Variants in PDGFA observed in about 807,000 individuals in gnomAD.
The protein encoded by PDGFA is platelet-derived growth factor subunit A.
A neutral mutation model predicts 25.6 loss-of-function variants in PDGFA; 9 were observed. The observed-to-expected ratio is 0.35, with a 90% CI of 0.21 to 0.61. PDGFA has a LOEUF of 0.61. Ranked by LOEUF, PDGFA falls within the 20% of genes least tolerant of loss-of-function variation. The pLI, the probability that PDGFA is intolerant of heterozygous loss-of-function variation, is 0.75. For missense variants in PDGFA, 242 were observed against 272.8 expected (o/e 0.89, Z 0.79); for synonymous variants, 133 against 111.8 (o/e 1.19, Z -1.20).
intron 4 of PDGFA, among the ~76,000 whole-genome samples, chr7:507,240 G>A (rs1782601269): frequency 1.3e-5 from 2 of 152,366 alleles, no homozygotes; most frequent in Admixed American, 6.5e-5. Flanking sequence ...CCAGAAGCGG[G>A]AACATGAAGG....
chr7:497,939 T>TAAAAAAAAAAAAAAAAAACAAA, exon 6 of PDGFA: 1 of 20,140 alleles, frequency 5.0e-5, no homozygotes, highest in South Asian at 4.2e-3. Flanking sequence ...CTTTATGGTG[T>TAAAAAAAAAAAAAAAAAACAAA]AAAAAAAAAA....
chr7:514,743 G>C (rs1187856665), intron 2 of PDGFA, among the ~76,000 whole-genome samples: 3 of 152,190 alleles, frequency 2.0e-5, no homozygotes, highest in African/African-American at 7.2e-5. Context: ...GACCACTTTG[G>C]GGAACAAAGC....
chr7:517,379 AG>A lies in PDGFA; in HGVS notation c.160+14del, dbSNP rs1289511740. ...CGCGCCCTCCCCGCGCGCGGAGGGAAGGGGCGCGATTTACCTACGGAGTCTA... is the reference window on the plus strand; with the variant it reads ...CGCGCCCTCCCCGCGCGCGGAGGGAAGGGCGCGATTTACCTACGGAGTCTA... On this transcript the variant is annotated intron_variant, in intron 2 of 5. Transcript: ENST00000402802. This position sits in a 1 kb window ranked among gnomAD's most constrained non-coding sequence, Gnocchi z 7.4. 7.8e-7 allele frequency: 1 copy of A among 1,281,056 alleles called. No individual in the cohort carries two copies. Among genetic ancestry groups the A allele is most frequent in the Non-Finnish European group, 1.0e-6 (1 of 971,668 alleles). The allele number at this position is 1,281,056 out of a possible 1,614,324, so 79.4% of individuals were successfully genotyped here.
At chr7:508,134 CA>C (rs1015821383) in intron 4 of PDGFA, among the ~76,000 whole-genome samples, 3 of 152,144 alleles carry the variant, frequency 2.0e-5, no homozygotes, top group Non-Finnish European at 4.4e-5. Flanking sequence ...CGGCTGGCTG[CA>C]AAGTCCTTCC....
intron 2 of PDGFA, among the ~76,000 whole-genome samples, chr7:516,324 C>T (rs2128406248): frequency 6.6e-6 from 1 of 152,016 alleles, no homozygotes; most frequent in East Asian, 1.9e-4. Context: ...GTTCAGGCCT[C>T]TCCACCACCA....
chr7:500,924 C>T lies in PDGFA; in HGVS notation c.580+192G>A, dbSNP rs139527654. 1,147 of 1,588,668 alleles carry T rather than the reference C, an allele frequency of 7.2e-4. 7 individuals are homozygous for T. In the African/African-American group the frequency reaches 0.013, roughly 18 times the overall value. ...CCGCAGCTTGGGCCACCCTCCCCAC[C>T]GGACACCTGCAGGTGTGGGATCCGT... is the stretch of plus-strand genomic sequence containing the variant. On this transcript the variant is annotated intron_variant, in intron 5 of 5. Coordinates refer to ENST00000402802, the Ensembl canonical transcript of PDGFA. The surrounding 1 kb of genome is among the most constrained non-coding windows in gnomAD (Gnocchi z 5.0).
upstream of PDGFA, chr7:520,154 GA>G: frequency 3.3e-6 from 1 of 304,236 alleles, no homozygotes; most frequent in Non-Finnish European, 6.6e-6. Flanking sequence ...ACCGGGTGGG[GA>G]GGGAGGAGGC....
At position 500,568 on chromosome 7, in the gene PDGFA, A is replaced by T. The variant is rs1296660808; in HGVS notation, c.580+548T>A. ...CGTCGGGGTGAAGAACTGAAGCAAC[A>T]AATACCTACGGCATTTGTTTATCTT... On this transcript the variant is annotated intron_variant, in intron 5 of 5. Coordinates refer to ENST00000402802, the Ensembl canonical transcript of PDGFA. This position sits in a 1 kb window ranked among gnomAD's most constrained non-coding sequence, Gnocchi z 5.0. The T allele has an allele frequency of 1.9e-6, 3 of 1,611,100 alleles. No homozygotes were observed. Among genetic ancestry groups the T allele is most frequent in the Non-Finnish European group, 2.5e-6 (3 of 1,179,342 alleles).
At chr7:508,559 C>CCAAAAAAA (rs1782664931) in intron 4 of PDGFA, among the ~76,000 whole-genome samples, 1 of 35,664 alleles carries the variant, frequency 2.8e-5, no homozygotes, top group Non-Finnish European at 4.9e-5. Flanking sequence ...GAAGCTGTCC[C>CCAAAAAAA]AAAAAAAAAA....
At chr7:508,334 A>C (rs540156388) in intron 4 of PDGFA, among the ~76,000 whole-genome samples, 1 of 151,934 alleles carries the variant, frequency 6.6e-6, no homozygotes, top group Non-Finnish European at 1.5e-5. Flanking sequence ...GCTGTCACCA[A>C]ATCCTCAGCT....
chr7:500,780 T>A lies in PDGFA; in HGVS notation c.580+336A>T. The stretch of plus-strand genomic sequence containing the variant: ...TCGAACCTGCTCCTCCCGCCCACCC[T>A]GGCAGGAGGCCCTTCTGCAGATTCT... On this transcript the variant is annotated intron_variant, in intron 5 of 5. Transcript: ENST00000402802. This position sits in a 1 kb window ranked among gnomAD's most constrained non-coding sequence, Gnocchi z 5.0. 1 of 1,441,674 alleles carries A rather than the reference T, an allele frequency of 6.9e-7. No individual in the cohort carries two copies. Among genetic ancestry groups the A allele is most frequent in the Admixed American group, 2.5e-5 (1 of 39,888 alleles). 89.3% of individuals were successfully genotyped at this position (1,441,674 alleles called of 1,614,324 possible).
At chr7:511,535 G>C (rs1782852515) in intron 3 of PDGFA, among the ~76,000 whole-genome samples, 1 of 152,174 alleles carries the variant, frequency 6.6e-6, no homozygotes. Context: ...TGTCACCTGG[G>C]GAGGGCCTGC....
chr7:504,882 G>A (rs1236416527), intron 4 of PDGFA, among the ~76,000 whole-genome samples: 6 of 152,192 alleles, frequency 3.9e-5, no homozygotes, highest in Non-Finnish European at 5.9e-5. Flanking sequence ...CGAGATGGCC[G>A]GCCACCGCGG....
chr7:502,077 T>G (rs147339424), intron 4 of PDGFA, among the ~76,000 whole-genome samples: 212 of 152,052 alleles, frequency 1.4e-3, no homozygotes, highest in African/African-American at 5.0e-3. Context: ...ATTTAAAAAT[T>G]AGCAAGCCAT....
Position 517,376 on chromosome 7 carries a change from G to A in PDGFA, c.160+18C>T, listed in dbSNP as rs1008376767. 4 of 1,291,230 alleles carry A rather than the reference G, an allele frequency of 3.1e-6. No individual in the cohort carries two copies. In the South Asian group the frequency reaches 4.9e-5, roughly 16 times the overall value. The allele number at this position is 1,291,230 out of a possible 1,614,324, so 80.0% of individuals were successfully genotyped here. On this transcript the variant is annotated intron_variant, in intron 2 of 5. Coordinates refer to ENST00000402802, the Ensembl canonical transcript of PDGFA. The surrounding 1 kb of genome is among the most constrained non-coding windows in gnomAD (Gnocchi z 7.4). ...GCCCGCGCCCTCCCCGCGCGCGGAG[G>A]GAAGGGGCGCGATTTACCTACGGAG...
At chr7:501,055 C>A (rs764114540) in intron 5 of PDGFA, 61 bp downstream of exon 5, 64 of 1,613,578 alleles carry the variant, frequency 4.0e-5, no homozygotes, top group Non-Finnish European at 5.3e-5. Flanking sequence ...CCTAACACCC[C>A]AAAAGCAAGG....
At chr7:502,827 C>T (rs568543318) in intron 4 of PDGFA, among the ~76,000 whole-genome samples, 1 of 142,398 alleles carries the variant, frequency 7.0e-6, no homozygotes, top group Non-Finnish European at 1.6e-5. Flanking sequence ...ACATATAGGC[C>T]CTGTCACGGG....
intron 2 of PDGFA, among the ~76,000 whole-genome samples, chr7:516,541 A>C (rs907592810): frequency 6.6e-5 from 10 of 152,174 alleles, no homozygotes; most frequent in African/African-American, 2.4e-4. Context: ...TGGAGTTCCC[A>C]GGCCGAGTGC....
intron 3 of PDGFA, 31 bp from the exon 4 acceptor site, chr7:511,027 C>T (rs1281083570): frequency 3.8e-6 from 6 of 1,584,140 alleles, no homozygotes; most frequent in South Asian, 2.2e-5. Context: ...TGAGCGGGGA[C>T]CGGCCTCTGC....
Sources: gnomAD v4.1 joint callset for allele counts (sites outside exome capture counted in the v4.1 genomes callset) on GRCh38, gnomAD v4.1.1 for gene constraint, Gnocchi (gnomAD v3.1) non-coding constraint, MANE v1.5 for transcripts, NCBI Gene and HGNC (gene_info 2026-07-23, HGNC 2026-07-21) for gene names.